PPP6R2: variants seen among roughly 807,000 people sequenced by gnomAD.
PPP6R2 encodes serine/threonine-protein phosphatase 6 regulatory subunit 2.
PPP6R2 carries 62 observed loss-of-function variants against 100.2 expected under a neutral mutation model. That is an observed-to-expected ratio of 0.62 (90% confidence interval 0.50 to 0.76). PPP6R2 has a LOEUF of 0.76. Among genes scored for constraint, PPP6R2 ranks in the 30% least tolerant of loss-of-function variants. The pLI is 0.00. For synonymous variants in PPP6R2, 525 were observed against 514.7 expected (o/e 1.02, Z -0.27); for missense variants, 1,142 against 1,276.3 (o/e 0.89, Z 1.60).
upstream of PPP6R2, among the ~76,000 whole-genome samples, chr22:50,339,135 TGTG>T (rs2042338979): frequency 6.9e-6 from 1 of 144,616 alleles, no homozygotes; most frequent in South Asian, 2.2e-4. Flanking sequence ...ATGTAGTGTG[TGTG>T]GTTTGTGGTG....
chr22:50,356,335 C>G (rs1475419001), intron 1 of PPP6R2, among the ~76,000 whole-genome samples: 1 of 145,910 alleles, frequency 6.9e-6, no homozygotes, highest in Non-Finnish European at 1.5e-5. Flanking sequence ...GAGGGTGTCA[C>G]TCTGTCATCT....
At chr22:50,405,965 G>T (rs1368986331) in intron 3 of PPP6R2, among the ~76,000 whole-genome samples, 2 of 142,840 alleles carry the variant, frequency 1.4e-5, no homozygotes, top group East Asian at 4.6e-4. Context: ...GGCCTGGAGA[G>T]AGGCGAGAGG....
Position 50,440,700 on chromosome 22 carries a change from C to G in PPP6R2, c.2375-122C>G, listed in dbSNP as rs938350874. The G allele has an allele frequency of 1.5e-5, 17 of 1,139,058 alleles. No individual in the cohort carries two copies. The African/African-American group carries it at 2.5e-4, about 16-fold the overall frequency. The allele number at this position is 1,139,058 out of a possible 1,614,324, so 70.6% of individuals were successfully genotyped here. A position where few individuals can be genotyped will look rare whatever the true frequency, so the allele number is the denominator to read the frequency against. On this transcript the variant is annotated intron_variant, in intron 21 of 23. Coordinates refer to ENST00000612753, the MANE Select transcript of PPP6R2 (RefSeq NM_001242898.2). ...TCATCATGCGGCTCCCACACAGGCACATGTGTGCAGGCAACAGGCTGCATG... is the reference window on the plus strand; with the variant it reads ...TCATCATGCGGCTCCCACACAGGCAGATGTGTGCAGGCAACAGGCTGCATG...
chr22:50,338,929 GGT>G (rs1162780599), upstream of PPP6R2, among the ~76,000 whole-genome samples: 6 of 130,988 alleles, frequency 4.6e-5, no homozygotes, highest in Admixed American at 1.6e-4. Flanking sequence ...TGTGGTATGT[GGT>G]GTGTGTGGGT....
chr22:50,381,286 GCCCCACCTCA>G (rs2148670756), intron 2 of PPP6R2, among the ~76,000 whole-genome samples: 2 of 129,420 alleles, frequency 1.5e-5, no homozygotes, highest in African/African-American at 5.9e-5. Context: ...CACCACACGG[GCCCCACCTCA>G]GCACCACACG....
chr22:50,339,582 T>TGGTGTGTGTGGTATGGTGTGTGC (rs2042346027), upstream of PPP6R2, among the ~76,000 whole-genome samples: 1 of 109,258 alleles, frequency 9.2e-6, no homozygotes, highest in African/African-American at 3.7e-5. Flanking sequence ...AGTGTGTGTG[T>TGGTGTGTGTGGTATGGTGTGTGC]GGTGTGTGTG....
chr22:50,387,028 C>A (rs2054389865), intron 2 of PPP6R2, among the ~76,000 whole-genome samples: 2 of 152,090 alleles, frequency 1.3e-5, no homozygotes, highest in South Asian at 4.2e-4. Flanking sequence ...GAAGAAGCAG[C>A]CTTTGCGAAC....
Position 50,438,643 on chromosome 22 carries a change from C to T in PPP6R2, c.2009C>T (p.Pro670Leu), listed in dbSNP as rs761974401. 1.2e-6 allele frequency: 2 copies of T among 1,613,952 alleles called. No homozygotes were observed. The highest frequency in any genetic ancestry group is 2.7e-5 in the African/African-American group (2 of 74,932). ...HASESCSKNG[P>L]ERGGQDGKAS... is the part of the protein sequence containing the mutation. Reference sequence around the variant, plus strand: ...TCAGAGAGTTGCTCAAAGAATGGCCCAGAGCGTGGAGGCCAGGATGGGAAG... The same window carrying T: ...TCAGAGAGTTGCTCAAAGAATGGCCTAGAGCGTGGAGGCCAGGATGGGAAG... The change falls in exon 19 of 24, where the codon CCA (proline) becomes CTA (leucine). Residue 670 changes from proline (P) to leucine (L), a missense_variant. By Grantham distance (98) the Pro-to-Leu change is moderately conservative. Around this residue, in one of 2 missense-constraint regions of PPP6R2, gnomAD observed 550 missense variants for 517.4 expected, o/e 1.06. Transcript: ENST00000612753.
intron 2 of PPP6R2, among the ~76,000 whole-genome samples, chr22:50,389,298 T>TTGA (rs2054920231): frequency 6.6e-6 from 1 of 152,136 alleles, no homozygotes; most frequent in Admixed American, 6.6e-5. Context: ...AGTGCTGACC[T>TTGA]TGAGGTCATG....
chr22:50,422,083 G>T (rs2061415350), intron 8 of PPP6R2, among the ~76,000 whole-genome samples, 171 bp from the exon 9 acceptor site: 1 of 152,102 alleles, frequency 6.6e-6, no homozygotes, highest in Non-Finnish European at 1.5e-5. Context: ...TCTTCTGCCT[G>T]TACCAGTCAC....
At chr22:50,441,290 C>T (rs1569498994) in intron 22 of PPP6R2, among the ~76,000 whole-genome samples, 1 of 152,168 alleles carries the variant, frequency 6.6e-6, no homozygotes, top group Non-Finnish European at 1.5e-5. Context: ...GTGGTTAAGA[C>T]AAGAAGACAG....
At chr22:50,348,033 C>A (rs1435445160) in intron 1 of PPP6R2, among the ~76,000 whole-genome samples, 1 of 152,064 alleles carries the variant, frequency 6.6e-6, no homozygotes, top group Admixed American at 6.6e-5. Flanking sequence ...ACAGAGTCTC[C>A]CATGCTGAGA....
chr22:50,338,892 GGTATGTGTGGT>G (rs1355018316), upstream of PPP6R2, among the ~76,000 whole-genome samples: 1 of 117,702 alleles, frequency 8.5e-6, no homozygotes, highest in African/African-American at 3.6e-5. Flanking sequence ...TGTTATGTGG[GGTATGTGTGGT>G]GTGTGTGGTA....
intron 15 of PPP6R2, 68 bp downstream of exon 15, chr22:50,437,136 C>T (rs1352518951): frequency 7.1e-6 from 10 of 1,413,374 alleles, no homozygotes; most frequent in African/African-American, 1.4e-5. Context: ...TGCGCTTGGT[C>T]CTCCAGACGA....
intron 19 of PPP6R2, 107 bp downstream of exon 19, chr22:50,438,869 C>T: frequency 4.3e-6 from 5 of 1,176,122 alleles, no homozygotes; most frequent in Middle Eastern, 2.7e-4. Context: ...ATTTGGGGCT[C>T]ACTGTGGCCC....
At chr22:50,364,763 A>C (rs933728649) in intron 1 of PPP6R2, among the ~76,000 whole-genome samples, 2 of 152,156 alleles carry the variant, frequency 1.3e-5, no homozygotes, top group Admixed American at 1.3e-4. Flanking sequence ...GACACTCAGC[A>C]TATTTAGATA....
At chr22:50,341,316 C>T (rs542266855), upstream of PPP6R2, among the ~76,000 whole-genome samples, 45 of 152,248 alleles carry the variant, frequency 3.0e-4, no homozygotes, top group Non-Finnish European at 5.4e-4. Context: ...GGCAATCCTC[C>T]CGCCTCAGTC....
chr22:50,409,070 C>T (rs538778370), intron 4 of PPP6R2, among the ~76,000 whole-genome samples: 7 of 152,248 alleles, frequency 4.6e-5, no homozygotes, highest in South Asian at 2.1e-4. Context: ...GCTGAGATTG[C>T]GCCATTGCAC....
At chr22:50,375,831 G>GTTTTTTTTTTTT (rs2051379577) in intron 2 of PPP6R2, among the ~76,000 whole-genome samples, 1 of 64,566 alleles carries the variant, frequency 1.5e-5, no homozygotes, top group Non-Finnish European at 2.8e-5. Context: ...AATCCCTGCA[G>GTTTTTTTTTTTT]ATTTTTTTTT....
Sources: allele counts gnomAD v4.1 joint callset (sites outside exome capture counted in the v4.1 genomes callset), GRCh38; gene constraint gnomAD v4.1.1; regional missense constraint gnomAD v4.1.1; transcripts MANE v1.5; gene names NCBI Gene and HGNC (gene_info 2026-07-23, HGNC 2026-07-21).